Variants in MKX observed in about 807,000 individuals in gnomAD.
MKX encodes the protein homeobox protein Mohawk.
In MKX, 13 loss-of-function variants were observed where a neutral mutation model predicts 36.0. The ratio of observed to expected loss-of-function variants is 0.36; its 90% CI spans 0.24 to 0.57. MKX has a LOEUF of 0.57. Among genes scored for constraint, MKX ranks in the 20% least tolerant of loss-of-function variants. The probability of loss-of-function intolerance (pLI) is 0.79; values close to 1 mark genes in which losing one functional copy is unlikely to be tolerated. For synonymous variants in MKX, 176 were observed against 178.3 expected (o/e 0.99, Z 0.10); for missense variants, 458 against 456.4 (o/e 1.00, Z -0.03).
intron 5 of MKX, among the ~76,000 whole-genome samples, chr10:27,706,914 T>A (rs1430413981): frequency 6.6e-6 from 1 of 152,250 alleles, no homozygotes; most frequent in Non-Finnish European, 1.5e-5. Context: ...CTCTGTCCCG[T>A]GCTGTATGCA....
chr10:27,687,706 A>C (rs1054676314), intron 5 of MKX, among the ~76,000 whole-genome samples: 2 of 152,232 alleles, frequency 1.3e-5, no homozygotes, highest in African/African-American at 4.8e-5. Context: ...CTCATTCAGC[A>C]TAGTCCCACT....
intron 5 of MKX, among the ~76,000 whole-genome samples, chr10:27,718,393 A>G (rs910480068): frequency 3.3e-5 from 5 of 149,824 alleles, no homozygotes; most frequent in Admixed American, 6.6e-5. Context: ...TTAGTCAATT[A>G]CATTTGTAGC....
At chr10:27,678,037 G>C (rs1430132481) in intron 5 of MKX, among the ~76,000 whole-genome samples, 2 of 152,338 alleles carry the variant, frequency 1.3e-5, no homozygotes, top group East Asian at 1.9e-4. Flanking sequence ...ACTCTGATAT[G>C]CTGATTTACA....
chr10:27,716,945 T>C (rs565715112), intron 5 of MKX, among the ~76,000 whole-genome samples: 3 of 152,278 alleles, frequency 2.0e-5, no homozygotes, highest in African/African-American at 7.2e-5. Context: ...TTGAGGTAAT[T>C]ACATGAACCC....
At chr10:27,692,102 G>A (rs889958160) in intron 5 of MKX, among the ~76,000 whole-genome samples, 3 of 152,150 alleles carry the variant, frequency 2.0e-5, no homozygotes, top group Non-Finnish European at 2.9e-5. Flanking sequence ...TGGTAATCCT[G>A]TTTTAATAAA....
intron 5 of MKX, among the ~76,000 whole-genome samples, chr10:27,708,793 T>C (rs1351731634): frequency 6.6e-6 from 1 of 151,298 alleles, no homozygotes; most frequent in Non-Finnish European, 1.5e-5. Context: ...GACAAATCTA[T>C]ACAGTTGGAA....
chr10:27,675,467 T>C (rs367684029), intron 6 of MKX, 52 bp from the exon 7 acceptor site: 88 of 1,613,930 alleles, frequency 5.5e-5, no homozygotes, highest in Admixed American at 2.8e-4. Flanking sequence ...GCAGTTTGCA[T>C]TGAAAATGCC....
intron 4 of MKX, 59 bp from the exon 5 acceptor site, chr10:27,734,850 A>G (rs574772393): frequency 1.8e-6 from 2 of 1,089,152 alleles, no homozygotes; most frequent in East Asian, 5.1e-5. Context: ...CAGCCACCCA[A>G]CTCTTATATT....
chr10:27,689,726 T>G (rs1433644132), intron 5 of MKX, among the ~76,000 whole-genome samples: 1 of 151,272 alleles, frequency 6.6e-6, no homozygotes, highest in Non-Finnish European at 1.5e-5. Context: ...CTTTAAATCT[T>G]GCCAAGAGAT....
intron 3 of MKX, among the ~76,000 whole-genome samples, chr10:27,736,767 T>G (rs977737470): frequency 1.3e-5 from 2 of 152,136 alleles, no homozygotes; most frequent in Admixed American, 1.3e-4. Flanking sequence ...AAACACACGG[T>G]GGGTTTCCCA....
rs140790046 is a variant in MKX at position 27,675,362 on chromosome 10, T to C, written c.926A>G (p.Asn309Ser). 359 of 1,614,132 alleles carry C rather than the reference T, an allele frequency of 2.2e-4. 2 individuals are homozygous for C. Among genetic ancestry groups the C allele is most frequent in the Non-Finnish European group, 5.0e-5 (59 of 1,180,058 alleles). The change falls in exon 7 of 7, where the codon AAC becomes AGC. Residue 309 changes from asparagine (N) to serine (S), a missense_variant. Asn to Ser is a conservative substitution (Grantham distance 46). This residue lies in a region of MKX where 297 missense variants were observed against 304.4 expected (regional missense o/e 0.98). Coordinates refer to ENST00000419761, the MANE Select transcript of MKX (RefSeq NM_173576.3). ...AAGATTTGTTAAGGCCATAGCTGCG[T>C]TGATCTCCTTCCAATACGTGTCATC... ...SKDDTYWKEI[N>S]AAMALTNLAQ...
chr10:27,675,208 G>A lies in MKX; in HGVS notation c.*21C>T. The A allele has an allele frequency of 3.1e-6, 5 of 1,607,364 alleles. No individual in the cohort carries two copies. Among genetic ancestry groups the A allele is most frequent in the Non-Finnish European group, 4.3e-6 (5 of 1,176,124 alleles). ...AAAACACCGGAAAGAACATCCATTG[G>A]ATCTGAAAAGCAACAAGCTCTTAAA... is the stretch of plus-strand genomic sequence containing the variant. On this transcript the variant is annotated 3_prime_UTR_variant, in exon 7 of 7. Transcript: ENST00000419761.
intron 5 of MKX, among the ~76,000 whole-genome samples, chr10:27,718,173 G>A (rs1006500626): frequency 2.0e-5 from 3 of 152,036 alleles, no homozygotes; most frequent in South Asian, 2.1e-4. Context: ...AATCTAAAGC[G>A]CTAAGCAAAG....
At chr10:27,701,591 A>C (rs1836656178) in intron 5 of MKX, among the ~76,000 whole-genome samples, 1 of 145,434 alleles carries the variant, frequency 6.9e-6, no homozygotes, top group South Asian at 2.1e-4. Context: ...ATATAAAATT[A>C]TTGTTTTTAA....
intron 5 of MKX, among the ~76,000 whole-genome samples, chr10:27,686,394 A>AAAGGAAGGAAGG (rs199641003): frequency 1.4e-3 from 173 of 123,000 alleles, no homozygotes; most frequent in African/African-American, 2.3e-3. Flanking sequence ...AAGGGAAGGG[A>AAAGGAAGGAAGG]AAGGAAGGAA....
At chr10:27,703,914 C>T (rs918455894) in intron 5 of MKX, among the ~76,000 whole-genome samples, 1 of 151,778 alleles carries the variant, frequency 6.6e-6, no homozygotes, top group Non-Finnish European at 1.5e-5. Context: ...AAAAGACTAC[C>T]AAAATGATCA....
intron 5 of MKX, among the ~76,000 whole-genome samples, chr10:27,711,495 CT>C (rs1363496557): frequency 0.06 from 1,963 of 32,644 alleles, 76 homozygotes; most frequent in African/African-American, 0.14. Context: ...CTCTCTCTCT[CT>C]TCTTTCCTTC....
At chr10:27,743,991 AC>A (rs1470768005) in intron 1 of MKX, among the ~76,000 whole-genome samples, 1 of 151,194 alleles carries the variant, frequency 6.6e-6, no homozygotes. Context: ...TATCCACAAG[AC>A]CCCCCAGCTC....
chr10:27,709,643 C>A (rs1438184246), intron 5 of MKX, among the ~76,000 whole-genome samples: 1 of 152,160 alleles, frequency 6.6e-6, no homozygotes, highest in Admixed American at 6.5e-5. Context: ...AGATCCTGTG[C>A]CCCTCTGGAG....
Sources: allele counts gnomAD v4.1 joint callset (sites outside exome capture counted in the v4.1 genomes callset), GRCh38; gene constraint gnomAD v4.1.1; regional missense constraint gnomAD v4.1.1; transcripts MANE v1.5; gene names NCBI Gene and HGNC (gene_info 2026-07-23, HGNC 2026-07-21).